FBXO7: variants seen among roughly 807,000 people sequenced by gnomAD.
FBXO7 encodes the protein F-box protein 7.
A neutral mutation model predicts 50.2 loss-of-function variants in FBXO7; 31 were observed. That is an observed-to-expected ratio of 0.62 (90% confidence interval 0.46 to 0.83). The LOEUF is 0.83. Among genes scored for constraint, FBXO7 ranks in the 40% least tolerant of loss-of-function variants. The pLI, the probability that FBXO7 is intolerant of heterozygous loss-of-function variation, is 0.00. For missense variants in FBXO7, 667 were observed against 646.6 expected (o/e 1.03, Z -0.34); for synonymous variants, 256 against 253.1 (o/e 1.01, Z -0.11).
Position 32,485,062 on chromosome 22 carries a change from C to A in FBXO7, c.646-6C>A, listed in dbSNP as rs778405697. ...TTATTTGTTTCCCTTTCATTTCGTT[C>A]CCCAGGGCACCGAAGCCAAAGCACT... On this transcript the variant is annotated splice_region_variant and splice_polypyrimidine_tract_variant and intron_variant, in intron 3 of 8. Coordinates refer to ENST00000266087, the MANE Select transcript of FBXO7 (RefSeq NM_012179.4). 2.5e-6 allele frequency: 4 copies of A among 1,614,026 alleles called. No individual in the cohort carries two copies. The highest frequency in any genetic ancestry group is 1.1e-5 in the South Asian group (1 of 91,074).
Position 32,487,594 on chromosome 22 carries a change from T to C in FBXO7, c.788-151T>C, listed in dbSNP as rs778688645. The C allele has an allele frequency of 6.0e-5, 37 of 617,392 alleles. 1 individual carries two copies. Among genetic ancestry groups the C allele is most frequent in the Admixed American group, 5.0e-4 (18 of 35,752 alleles). 38.2% of individuals were successfully genotyped at this position (617,392 alleles called of 1,614,324 possible). The stretch of plus-strand genomic sequence containing the variant: ...GCCAGGTTTACACTTTTGAACTTGC[T>C]ATCAGAGAAAGAAATAGGCGAAGAA... On this transcript the variant is annotated intron_variant, in intron 4 of 8. Coordinates refer to ENST00000266087, the MANE Select transcript of FBXO7 (RefSeq NM_012179.4).
chr22:32,495,549 T>C lies in FBXO7; in HGVS notation c.1182+19T>C, dbSNP rs1483740752. The C allele has an allele frequency of 7.0e-7, 1 of 1,438,422 alleles. No homozygotes were observed. The highest frequency in any genetic ancestry group is 9.7e-7 in the Non-Finnish European group (1 of 1,029,130). 89.1% of individuals were successfully genotyped at this position (1,438,422 alleles called of 1,614,324 possible). On this transcript the variant is annotated intron_variant, in intron 8 of 8. Coordinates refer to ENST00000266087, the MANE Select transcript of FBXO7 (RefSeq NM_012179.4). ...GAAAGAAGTAGGTATTTTTAAATAT[T>C]AAGACTAATGTCCATAACACAGAAA...
In FBXO7 at chr22:32,475,043, TG is replaced by T; in HGVS notation, c.43del (p.Glu15ArgfsTer16). ...RVRLLKRTWP[L>X]EVPETEPTLG... ...CGGCTTCTGAAGCGGACCTGGCCGC[TG>T]GAGGTGCCCGAGACGGAGCCGACGC... On this transcript the variant is annotated frameshift_variant, in exon 1 of 9. Transcript: ENST00000266087. LOFTEE classifies it high-confidence loss of function. 6.5e-7 allele frequency: 1 copy of T among 1,543,988 alleles called. No homozygotes were observed. The highest frequency in any genetic ancestry group is 8.7e-7 in the Non-Finnish European group (1 of 1,145,882).
chr22:32,475,318 A>G, intron 1 of FBXO7, 194 bp downstream of exon 1: 18 of 1,608,090 alleles, frequency 1.1e-5, no homozygotes, highest in Non-Finnish European at 1.5e-5. Context: ...GGTGCAGGCG[A>G]CGGGAAGCGC....
rs199954341 is a variant in FBXO7, at chr22:32,493,290, C to T, written c.1144+9C>T. 1.5e-3 allele frequency: 2,478 copies of T among 1,611,864 alleles called. 4 individuals carry two copies. Among genetic ancestry groups the T allele is most frequent in the Non-Finnish European group, 1.8e-3 (2,164 of 1,178,044 alleles). On this transcript the variant is annotated intron_variant, in intron 7 of 8. Coordinates refer to ENST00000266087, the MANE Select transcript of FBXO7 (RefSeq NM_012179.4). ...TCTGCGTGATTTTCGAGGTGATTTC[C>T]GTAATGACATATTCACAAGAAAGGG... is the stretch of plus-strand genomic sequence containing the variant.
chr22:32,476,986 T>C lies in FBXO7; in HGVS notation c.122+1862T>C, dbSNP rs2057433277. On this transcript the variant is annotated intron_variant, in intron 1 of 8. Transcript: ENST00000266087. ...ATACTTGAACGTACCTTGTACTAGA[T>C]ACTGTTTTAAAAAGCAACCTTTTGC... Among the ~76,000 whole-genome samples, 4 of 152,236 alleles carry C rather than the reference T, an allele frequency of 2.6e-5. No homozygotes were observed. The South Asian group carries it at 8.3e-4, about 31-fold the overall frequency.
intron 6 of FBXO7, chr22:32,492,863 ATT>A (rs1315103319): frequency 3.6e-6 from 2 of 553,278 alleles, no homozygotes; most frequent in African/African-American, 3.8e-5. Context: ...ATTAAAAAGC[ATT>A]TGTCTTTCCA....
rs148602613 is a variant in FBXO7, at chr22:32,491,158, C to T, written c.944C>T (p.Pro315Leu). 94 of 1,611,506 alleles carry T rather than the reference C, an allele frequency of 5.8e-5. 1 individual carries two copies. Among genetic ancestry groups the T allele is most frequent in the Admixed American group, 2.8e-4 (17 of 59,974 alleles). The change falls in exon 6 of 9, where the codon CCT becomes CTT. Residue 315 changes from proline (P) to leucine (L), a missense_variant. Transcript: ENST00000266087. ...CTCTTTAAAGACCAGCTGGTGTATCCTCTTCTGGCTTTTACCCGACAAGGT... is the reference window on the plus strand; with the variant it reads ...CTCTTTAAAGACCAGCTGGTGTATCTTCTTCTGGCTTTTACCCGACAAGGT... The part of the protein sequence containing the change: ...SRLFKDQLVY[P>L]LLAFTRQALN...
At chr22:32,487,980 TA>T (rs1384468816) in intron 5 of FBXO7, 152 bp downstream of exon 5, 8 of 624,906 alleles carry the variant, frequency 1.3e-5, no homozygotes, top group Non-Finnish European at 2.0e-5. Context: ...TGCAAAGGTT[TA>T]AAAAATGTGA....
intron 2 of FBXO7, among the ~76,000 whole-genome samples, chr22:32,481,267 A>C (rs1242766141): frequency 6.6e-6 from 1 of 152,226 alleles, no homozygotes; most frequent in Non-Finnish European, 1.5e-5. Flanking sequence ...TCATAGAGGT[A>C]AACTGGGGAA....
At chr22:32,480,070 C>A (rs886230319) in intron 2 of FBXO7, among the ~76,000 whole-genome samples, 1 of 152,114 alleles carries the variant, frequency 6.6e-6, no homozygotes. Flanking sequence ...TAAATCTAGC[C>A]CATTAATAAG....
intron 1 of FBXO7, among the ~76,000 whole-genome samples, chr22:32,477,034 CAT>C (rs758098467): frequency 9.9e-5 from 15 of 152,270 alleles, no homozygotes; most frequent in Middle Eastern, 3.4e-3. Context: ...CCCATAAACA[CAT>C]AGTTCATTTG....
Position 32,484,156 on chromosome 22 carries a change from A to G in FBXO7, c.645+32A>G, listed in dbSNP as rs114187411. The G allele has an allele frequency of 3.0e-3, 4,722 of 1,558,296 alleles. 132 individuals are homozygous for G. The African/African-American group carries it at 0.053, about 18-fold the overall frequency. On this transcript the variant is annotated intron_variant, in intron 3 of 8. Transcript: ENST00000266087. ...ACTGCAAGCAAAACACAGACATCTTATGATTGCTCATACATGTGGATGGTT... is the reference window on the plus strand; with the variant it reads ...ACTGCAAGCAAAACACAGACATCTTGTGATTGCTCATACATGTGGATGGTT...
chr22:32,484,992 A>C lies in FBXO7; in HGVS notation c.646-76A>C, dbSNP rs1409705638. On this transcript the variant is annotated intron_variant, in intron 3 of 8. Transcript: ENST00000266087. ...GAGTGATTATTTCAAACAAGTTAGG[A>C]GTCTTTTGGATTTTTAATCTTTTTG... 3.8e-6 allele frequency: 6 copies of C among 1,569,234 alleles called. No individual in the cohort carries two copies. In the African/African-American group the frequency reaches 8.1e-5, roughly 21 times the overall value.
intron 2 of FBXO7, among the ~76,000 whole-genome samples, chr22:32,481,755 C>G (rs2057466147): frequency 6.6e-6 from 1 of 152,158 alleles, no homozygotes; most frequent in South Asian, 2.1e-4. Flanking sequence ...CCTCTTGAGT[C>G]TTTAATGAGA....
At chr22:32,480,306 T>TCC (rs1339118561) in intron 2 of FBXO7, among the ~76,000 whole-genome samples, 16 of 152,190 alleles carry the variant, frequency 1.1e-4, no homozygotes, top group Admixed American at 2.6e-4. Flanking sequence ...TGTCCTCCTG[T>TCC]ACCTAGTGCT....
At chr22:32,479,371 A>T in intron 2 of FBXO7, 96 bp downstream of exon 2, 2 of 1,079,162 alleles carry the variant, frequency 1.9e-6, no homozygotes, top group Non-Finnish European at 2.8e-6. Flanking sequence ...ATTATCATCG[A>T]TAGATTGCAC....
At position 32,490,798 on chromosome 22, in the gene FBXO7, C is replaced by T. The variant is rs738981; in HGVS notation, c.872-288C>T. ...AGATTGATAGCTATCAGGAAATCTT[C>T]GTATGTATGAATCTCTCACAAGTCT... On this transcript the variant is annotated intron_variant, in intron 5 of 8. Coordinates refer to ENST00000266087, the MANE Select transcript of FBXO7 (RefSeq NM_012179.4). 157,610 of 382,506 alleles carry T rather than the reference C, an allele frequency of 0.41. 34,221 individuals carry two copies. The highest frequency in any genetic ancestry group is 0.71 in the East Asian group (11,611 of 16,430). 23.7% of individuals were successfully genotyped at this position (382,506 alleles called of 1,614,324 possible).
chr22:32,474,811 G>C lies in FBXO7; in HGVS notation c.-192G>C, dbSNP rs1339028537. 5.3e-5 allele frequency: 31 copies of C among 589,174 alleles called. No individual in the cohort carries two copies. Among genetic ancestry groups the C allele is most frequent in the Admixed American group, 3.4e-5 (1 of 29,244 alleles). The allele number at this position is 589,174 out of a possible 1,614,324, so 36.5% of individuals were successfully genotyped here. Reference sequence around the variant, plus strand: ...AGGCGCCCTCAGGAGAGGGGCGGGCGCTCTATTCCAGAGACCGAGTGGCAG... The same window carrying C: ...AGGCGCCCTCAGGAGAGGGGCGGGCCCTCTATTCCAGAGACCGAGTGGCAG... On this transcript the variant is annotated 5_prime_UTR_variant, in exon 1 of 9. Transcript: ENST00000266087.
Sources: gnomAD v4.1 joint callset for allele counts (sites outside exome capture counted in the v4.1 genomes callset) on GRCh38, gnomAD v4.1.1 for gene constraint, MANE v1.5 for transcripts, NCBI Gene and HGNC (gene_info 2026-07-23, HGNC 2026-07-21) for gene names.